Variants in ILRUN observed in about 807,000 individuals in gnomAD.
The protein encoded by ILRUN is inflammation and lipid regulator with UBA-like and NBR1-like domains.
ILRUN carries 3 observed loss-of-function variants against 33.8 expected under a neutral mutation model. That is an observed-to-expected ratio of 0.09 (90% confidence interval 0.04 to 0.23). The LOEUF is 0.23. Ranked by LOEUF, ILRUN falls within the 10% of genes least tolerant of loss-of-function variation. The probability of loss-of-function intolerance (pLI) is 1.00; values close to 1 mark genes in which losing one functional copy is unlikely to be tolerated. For missense variants in ILRUN, 210 were observed against 375.1 expected (o/e 0.56, Z 3.64); for synonymous variants, 124 against 138.9 (o/e 0.89, Z 0.75).
chr6:34,615,598 A>G (rs899498469), intron 3 of ILRUN, among the ~76,000 whole-genome samples: 1 of 152,150 alleles, frequency 6.6e-6, no homozygotes, highest in Non-Finnish European at 1.5e-5. Context: ...TCCATCTTAA[A>G]CAAAAACAAA....
chr6:34,611,102 C>CTT (rs59506285), intron 3 of ILRUN, among the ~76,000 whole-genome samples: 34,077 of 121,698 alleles, frequency 0.28, 5,747 homozygotes, highest in African/African-American at 0.5. Context: ...TTTCTGATGT[C>CTT]TTTTTTTTTT....
chr6:34,679,206 T>C (rs1384864625), intron 1 of ILRUN, among the ~76,000 whole-genome samples: 1 of 151,064 alleles, frequency 6.6e-6, no homozygotes, highest in African/African-American at 2.4e-5. Flanking sequence ...ATTTTTTACC[T>C]ATGAAATTGG....
chr6:34,643,977 C>A (rs1358806142), intron 3 of ILRUN, among the ~76,000 whole-genome samples: 3 of 152,230 alleles, frequency 2.0e-5, no homozygotes, highest in Non-Finnish European at 4.4e-5. Flanking sequence ...GCTGGTATTA[C>A]AGGCTTGAAC....
intron 4 of ILRUN, among the ~76,000 whole-genome samples, chr6:34,599,977 C>T (rs544896737): frequency 1.3e-5 from 2 of 152,294 alleles, no homozygotes; most frequent in South Asian, 2.1e-4. Flanking sequence ...AATATAGATC[C>T]GGACATGGAC....
intron 3 of ILRUN, among the ~76,000 whole-genome samples, chr6:34,624,313 A>G (rs6907508): frequency 0.094 from 14,322 of 152,020 alleles, 852 homozygotes; most frequent in Non-Finnish European, 0.12. Flanking sequence ...CTAATTACCT[A>G]ATTTATTTTT....
chr6:34,634,740 T>C (rs1334705713), intron 3 of ILRUN, among the ~76,000 whole-genome samples: 1 of 152,184 alleles, frequency 6.6e-6, no homozygotes, highest in African/African-American at 2.4e-5. Flanking sequence ...CAAGATGAAA[T>C]AGATTACCTT....
At chr6:34,611,546 G>T (rs1310815001) in intron 3 of ILRUN, among the ~76,000 whole-genome samples, 1 of 152,072 alleles carries the variant, frequency 6.6e-6, no homozygotes, top group Non-Finnish European at 1.5e-5. Flanking sequence ...CCTGCCTACT[G>T]TATTACTTTA....
chr6:34,618,356 T>C (rs962063809), intron 3 of ILRUN, among the ~76,000 whole-genome samples: 6 of 152,228 alleles, frequency 3.9e-5, no homozygotes, highest in African/African-American at 1.4e-4. Context: ...CAGACCTAGT[T>C]TGCTATAGCC....
At chr6:34,692,836 T>C (rs957880328) in intron 1 of ILRUN, among the ~76,000 whole-genome samples, 1 of 152,136 alleles carries the variant, frequency 6.6e-6, no homozygotes, top group African/African-American at 2.4e-5. Flanking sequence ...GTATGAGACG[T>C]GCCAACCTTG....
intron 4 of ILRUN, among the ~76,000 whole-genome samples, chr6:34,600,647 C>T (rs527909484): frequency 2.0e-5 from 3 of 152,124 alleles, no homozygotes; most frequent in Non-Finnish European, 4.4e-5. Context: ...CCAACAAAAA[C>T]CTAAACCCAA....
intron 4 of ILRUN, among the ~76,000 whole-genome samples, chr6:34,594,528 ACAGCCCCACAT>A (rs1462933988): frequency 6.6e-6 from 1 of 152,232 alleles, no homozygotes; most frequent in Admixed American, 6.5e-5. Context: ...GCTACATTGA[ACAGCCCCACAT>A]CTGCTAGGGG....
At chr6:34,597,972 C>G (rs2127310803) in intron 4 of ILRUN, among the ~76,000 whole-genome samples, 1 of 152,222 alleles carries the variant, frequency 6.6e-6, no homozygotes, top group South Asian at 2.1e-4. Context: ...TTGGCCGTCC[C>G]CAAATTCCTA....
chr6:34,618,538 C>T (rs1181562971), intron 3 of ILRUN, among the ~76,000 whole-genome samples: 2 of 152,214 alleles, frequency 1.3e-5, no homozygotes, highest in Admixed American at 6.5e-5. Context: ...TTAGCTAGAA[C>T]CCAAGCCCTA....
intron 4 of ILRUN, among the ~76,000 whole-genome samples, chr6:34,601,961 G>T (rs1231149545): frequency 6.6e-6 from 1 of 152,176 alleles, no homozygotes; most frequent in Non-Finnish European, 1.5e-5. Context: ...GATGGCACTT[G>T]GCAGGGATGG....
chr6:34,638,172 G>GC (rs1270923626), intron 3 of ILRUN, among the ~76,000 whole-genome samples: 1 of 151,978 alleles, frequency 6.6e-6, no homozygotes. Flanking sequence ...ACAGGCATGA[G>GC]CCACCATGCC....
At chr6:34,590,862 G>T (rs1043406652) in intron 4 of ILRUN, among the ~76,000 whole-genome samples, 4 of 152,120 alleles carry the variant, frequency 2.6e-5, no homozygotes, top group Non-Finnish European at 5.9e-5. Context: ...TCTTTCAGAT[G>T]GTAGATCAGT....
chr6:34,590,943 C>T (rs1761281876), intron 4 of ILRUN, among the ~76,000 whole-genome samples: 1 of 152,212 alleles, frequency 6.6e-6, no homozygotes, highest in Non-Finnish European at 1.5e-5. Flanking sequence ...GTCTCAACCA[C>T]TCTGCTAAAG....
At chr6:34,687,714 T>TATATATATATATATTTATAAA (rs1463804776) in intron 1 of ILRUN, among the ~76,000 whole-genome samples, 2 of 137,804 alleles carry the variant, frequency 1.5e-5, no homozygotes, top group African/African-American at 5.8e-5. Flanking sequence ...AAAAAATATA[T>TATATATATATATATTTATAAA]ATATATATAT....
At chr6:34,608,660 C>T (rs1761683180) in intron 3 of ILRUN, among the ~76,000 whole-genome samples, 1 of 152,060 alleles carries the variant, frequency 6.6e-6, no homozygotes, top group South Asian at 2.1e-4. Context: ...TTTTCAGCTC[C>T]ATTATAACTT....
Sources: allele counts gnomAD v4.1 joint callset (sites outside exome capture counted in the v4.1 genomes callset), GRCh38; gene constraint gnomAD v4.1.1; transcripts MANE v1.5; gene names NCBI Gene and HGNC (gene_info 2026-07-23, HGNC 2026-07-21).